The following ANGPT1 variants were observed in gnomAD, a reference collection of about 807,000 sequenced individuals.
ANGPT1 encodes angiopoietin 1.
ANGPT1 carries 17 observed loss-of-function variants against 62.2 expected under a neutral mutation model. That is an observed-to-expected ratio of 0.27 (90% confidence interval 0.19 to 0.41). The LOEUF is 0.41. ANGPT1 is among the 10% of genes least tolerant of loss of function. The probability of loss-of-function intolerance (pLI) is 1.00; values close to 1 mark genes in which losing one functional copy is unlikely to be tolerated. For synonymous variants in ANGPT1, 199 were observed against 198.9 expected, an observed-to-expected ratio of 1.00 and a Z score of 0.00; for missense variants, 478 against 594.9, an observed-to-expected ratio of 0.80 and a Z score of 2.04.
chr8:107,497,277 A>G lies in ANGPT1; in HGVS notation c.282T>C (p.Thr94=), dbSNP rs559426657. The G allele has an allele frequency of 1.9e-6, 3 of 1,614,086 alleles. No individual in the cohort carries two copies. The highest frequency in any genetic ancestry group is 2.2e-5 in the South Asian group (2 of 91,078). The change falls in exon 1 of 9, where the codon ACT becomes ACC. Residue 94 remains threonine (T), a synonymous_variant. Coordinates refer to ENST00000517746, the MANE Select transcript of ANGPT1 (RefSeq NM_001146.5). The part of the protein sequence containing the change: ...QHLEHVMENY[T]QWLQKLENYI... The stretch of plus-strand genomic sequence containing the variant: ...AATCACTTACTTTTTGCAGCCACTG[A>G]GTATAATTTTCCATCACATGTTCCA...
intron 1 of ANGPT1, among the ~76,000 whole-genome samples, chr8:107,459,708 T>G (rs13276416): frequency 0.11 from 16,367 of 151,160 alleles, 1,207 homozygotes; most frequent in East Asian, 0.44. Context: ...CCAACATGTT[T>G]GCATAAAATA....
chr8:107,298,200 T>A, intron 5 of ANGPT1, among the ~76,000 whole-genome samples: 1 of 151,986 alleles, frequency 6.6e-6, no homozygotes, highest in Non-Finnish European at 1.5e-5. Flanking sequence ...ATAGTTTTTA[T>A]ACTTTTATGT....
chr8:107,396,510 T>C (rs1474220549), intron 1 of ANGPT1, among the ~76,000 whole-genome samples: 3 of 129,042 alleles, frequency 2.3e-5, no homozygotes, highest in Non-Finnish European at 4.8e-5. Flanking sequence ...TTTCTTTTCT[T>C]TTCTCTCTTT....
chr8:107,438,367 A>G (rs1263712799), intron 1 of ANGPT1, among the ~76,000 whole-genome samples: 1 of 151,916 alleles, frequency 6.6e-6, no homozygotes, highest in African/African-American at 2.4e-5. Context: ...GTCATTTGAT[A>G]TAATTCCAGT....
chr8:107,408,243 A>C (rs889714170), intron 1 of ANGPT1, among the ~76,000 whole-genome samples: 3 of 152,142 alleles, frequency 2.0e-5, no homozygotes, highest in Non-Finnish European at 2.9e-5. Context: ...AATGTTTGCT[A>C]TTTTATCCAT....
intron 4 of ANGPT1, 71 bp downstream of exon 4, chr8:107,321,825 C>A: frequency 1.4e-5 from 18 of 1,330,928 alleles, no homozygotes; most frequent in Admixed American, 1.8e-5. Context: ...CTGTAGAAAG[C>A]TATATTGAGT....
chr8:107,265,264 T>A (rs1215822164), intron 7 of ANGPT1, among the ~76,000 whole-genome samples: 1 of 152,180 alleles, frequency 6.6e-6, no homozygotes, highest in Non-Finnish European at 1.5e-5. Flanking sequence ...TCAACTAGCA[T>A]CTCAGATTTC....
Position 107,251,739 on chromosome 8 carries a change from C to G in ANGPT1, c.*116G>C, listed in dbSNP as rs527375380. 88 of 1,310,246 alleles carry G rather than the reference C, an allele frequency of 6.7e-5. 2 individuals are homozygous for G. In the South Asian group the frequency reaches 1.3e-3, roughly 19 times the overall value. The allele number at this position is 1,310,246 out of a possible 1,614,324, so 81.2% of individuals were successfully genotyped here. A position where few individuals can be genotyped will look rare whatever the true frequency, so the allele number is the denominator to read the frequency against. On this transcript the variant is annotated 3_prime_UTR_variant, in exon 9 of 9. Coordinates refer to ENST00000517746, the MANE Select transcript of ANGPT1 (RefSeq NM_001146.5). ...CCTTGGTGACTTCACATAACTACCA[C>G]TTATTGCTGGAAGGGAGACAATATT... is the stretch of plus-strand genomic sequence containing the variant.
At chr8:107,492,499 C>G (rs1563647659) in intron 1 of ANGPT1, among the ~76,000 whole-genome samples, 1 of 152,144 alleles carries the variant, frequency 6.6e-6, no homozygotes, top group Non-Finnish European at 1.5e-5. Flanking sequence ...CCAGGCCCAG[C>G]TAAGTTTTTG....
intron 1 of ANGPT1, among the ~76,000 whole-genome samples, chr8:107,378,933 C>CATAT (rs35844574): frequency 0.021 from 3,129 of 148,388 alleles, 114 homozygotes; most frequent in African/African-American, 0.067. Flanking sequence ...TATACACATA[C>CATAT]ATATATATAT....
chr8:107,282,553 CATATATATATATATATATATATATAT>C (rs753412026), intron 7 of ANGPT1, among the ~76,000 whole-genome samples: 26 of 51,076 alleles, frequency 5.1e-4, no homozygotes, highest in Middle Eastern at 0.014. Flanking sequence ...ATATATGAAC[CATATATATATATATATATATATATAT>C]ATATATATAT....
intron 4 of ANGPT1, among the ~76,000 whole-genome samples, chr8:107,303,731 C>T (rs1160512371): frequency 2.6e-5 from 4 of 151,684 alleles, no homozygotes; most frequent in Non-Finnish European, 5.9e-5. Context: ...ATCTCTAAAA[C>T]GTTCTTACCT....
chr8:107,474,298 G>A, intron 1 of ANGPT1, among the ~76,000 whole-genome samples: 1 of 152,206 alleles, frequency 6.6e-6, no homozygotes, highest in South Asian at 2.1e-4. Flanking sequence ...ATCAATAAAT[G>A]TAATCCAGCA....
chr8:107,441,091 C>A (rs1811463098), intron 1 of ANGPT1, among the ~76,000 whole-genome samples: 1 of 152,144 alleles, frequency 6.6e-6, no homozygotes, highest in Non-Finnish European at 1.5e-5. Flanking sequence ...CTGACAGTAG[C>A]CAGAATAAAG....
At chr8:107,326,033 C>A (rs765941455) in intron 3 of ANGPT1, among the ~76,000 whole-genome samples, 1 of 152,086 alleles carries the variant, frequency 6.6e-6, no homozygotes, top group African/African-American at 2.4e-5. Context: ...TATAATATAA[C>A]GCACATTAGC....
intron 1 of ANGPT1, among the ~76,000 whole-genome samples, chr8:107,391,432 T>A (rs1470443301): frequency 6.6e-6 from 1 of 152,174 alleles, no homozygotes; most frequent in Non-Finnish European, 1.5e-5. Flanking sequence ...TTCTGGGGGC[T>A]GAAGGAGGCA....
At chr8:107,395,375 G>T (rs1472642450) in intron 1 of ANGPT1, among the ~76,000 whole-genome samples, 1 of 152,060 alleles carries the variant, frequency 6.6e-6, no homozygotes, top group Admixed American at 6.6e-5. Flanking sequence ...ATTTCTATGT[G>T]TTGGTAACAT....
At chr8:107,256,871 T>G (rs1027266872) in intron 8 of ANGPT1, among the ~76,000 whole-genome samples, 2 of 152,158 alleles carry the variant, frequency 1.3e-5, no homozygotes, top group Non-Finnish European at 1.5e-5. Context: ...GTTTTGTTTT[T>G]TTTGAGATGG....
chr8:107,294,808 CAAGAA>C (rs1233685063), intron 5 of ANGPT1: 1 of 152,058 alleles, frequency 6.6e-6, no homozygotes, highest in Non-Finnish European at 1.5e-5. Context: ...AGGGTCTACC[CAAGAA>C]GAGAAACATA....
Sources: allele counts gnomAD v4.1 joint callset (sites outside exome capture counted in the v4.1 genomes callset), GRCh38; gene constraint gnomAD v4.1.1; transcripts MANE v1.5; gene names NCBI Gene and HGNC (gene_info 2026-07-23, HGNC 2026-07-21).